Variants in ROBO1 observed in about 807,000 individuals in gnomAD.
ROBO1 encodes roundabout guidance receptor 1, also known as roundabout homolog 1.
In ROBO1, 149 loss-of-function variants were observed where a neutral mutation model predicts 195.9. The observed-to-expected ratio is 0.76, with a 90% CI of 0.67 to 0.87. ROBO1 has a LOEUF of 0.87. Among genes scored for constraint, ROBO1 ranks in the 40% least tolerant of loss-of-function variants. ROBO1 has a pLI of 0.00. For synonymous variants in ROBO1, 816 were observed against 733.2 expected (o/e 1.11, Z -1.82); for missense variants, 1,933 against 2,068.3 (o/e 0.93, Z 1.27).
At chr3:79,659,498 G>A (rs774898898) in intron 1 of ROBO1, among the ~76,000 whole-genome samples, 8 of 151,830 alleles carry the variant, frequency 5.3e-5, no homozygotes, top group South Asian at 2.1e-4. Context: ...AGCCAAGCAC[G>A]TTTCCTTATT....
chr3:79,185,685 G>GA (rs2081424776), intron 2 of ROBO1, among the ~76,000 whole-genome samples: 1 of 152,034 alleles, frequency 6.6e-6, no homozygotes, highest in Admixed American at 6.6e-5. Flanking sequence ...TGTAAAACTT[G>GA]AAATTAATTT....
chr3:79,571,168 G>T (rs988872913), intron 2 of ROBO1, among the ~76,000 whole-genome samples: 22 of 152,068 alleles, frequency 1.4e-4, no homozygotes, highest in African/African-American at 4.8e-4. Flanking sequence ...TTATTCAGAA[G>T]ATTAGATCAA....
chr3:79,360,320 A>C (rs1268762008), intron 2 of ROBO1, among the ~76,000 whole-genome samples: 2 of 152,038 alleles, frequency 1.3e-5, no homozygotes, highest in Non-Finnish European at 2.9e-5. Flanking sequence ...AAAGACATGA[A>C]ATCAACTCTT....
chr3:79,005,474 T>C (rs1025737117), intron 3 of ROBO1, among the ~76,000 whole-genome samples: 2 of 152,164 alleles, frequency 1.3e-5, no homozygotes, highest in Non-Finnish European at 2.9e-5. Flanking sequence ...AACTAAAAAT[T>C]TCTACGTTTA....
At chr3:78,686,538 G>C (rs35039798) in intron 9 of ROBO1, among the ~76,000 whole-genome samples, 181 of 137,846 alleles carry the variant, frequency 1.3e-3, no homozygotes, top group Non-Finnish European at 2.4e-3. Flanking sequence ...CTGGGTGACA[G>C]AGCGAGACTT....
chr3:78,950,877 T>C (rs367834027), intron 3 of ROBO1, among the ~76,000 whole-genome samples: 1 of 151,880 alleles, frequency 6.6e-6, no homozygotes, highest in African/African-American at 2.4e-5. Flanking sequence ...TGAGCTTACA[T>C]TGCTGAGTAA....
intron 2 of ROBO1, among the ~76,000 whole-genome samples, chr3:79,396,115 C>T (rs2037144893): frequency 2.0e-5 from 3 of 152,142 alleles, no homozygotes; most frequent in Non-Finnish European, 4.4e-5. Context: ...TTGTTATTAA[C>T]TTGAGGAATA....
rs1705486200 is a variant in ROBO1 at position 78,636,164 on chromosome 3, A to C, written c.3038-56T>G. Reference sequence around the variant, plus strand: ...TCATTCTGCGTGGTTATTCCTTTTAAATTTCTTTTTACGTAGCTTTGCGAG... The same window carrying C: ...TCATTCTGCGTGGTTATTCCTTTTACATTTCTTTTTACGTAGCTTTGCGAG... On this transcript the variant is annotated intron_variant, in intron 22 of 30. Coordinates refer to ENST00000464233, the MANE Select transcript of ROBO1 (RefSeq NM_002941.4). 3.8e-6 allele frequency: 5 copies of C among 1,311,416 alleles called. No individual in the cohort carries two copies. The Admixed American group carries it at 9.8e-5, about 26-fold the overall frequency. The allele number at this position is 1,311,416 out of a possible 1,614,324, so 81.2% of individuals were successfully genotyped here. A position where few individuals can be genotyped will look rare whatever the true frequency, so the allele number is the denominator to read the frequency against.
At chr3:79,386,137 A>G (rs1299739728) in intron 2 of ROBO1, among the ~76,000 whole-genome samples, 6 of 152,168 alleles carry the variant, frequency 3.9e-5, no homozygotes, top group Non-Finnish European at 7.4e-5. Context: ...TTTTACATGA[A>G]CTACCTGAGT....
intron 22 of ROBO1, among the ~76,000 whole-genome samples, chr3:78,639,040 G>A (rs1410207063): frequency 2.0e-5 from 3 of 152,024 alleles, no homozygotes; most frequent in African/African-American, 7.3e-5. Flanking sequence ...CAGCTACTTG[G>A]GAGGCTGAGG....
At chr3:78,599,457 A>AAAG (rs1217888574) in intron 30 of ROBO1, among the ~76,000 whole-genome samples, 1 of 152,182 alleles carries the variant, frequency 6.6e-6, no homozygotes, top group Middle Eastern at 3.2e-3. Context: ...TCTACTATAA[A>AAAG]AAGTTGTCAT....
At chr3:79,541,318 G>C (rs923901904) in intron 2 of ROBO1, among the ~76,000 whole-genome samples, 1 of 151,958 alleles carries the variant, frequency 6.6e-6, no homozygotes, top group Non-Finnish European at 1.5e-5. Flanking sequence ...CTGATTTGAC[G>C]TTGTTTCTGC....
At chr3:79,482,334 C>T (rs1241476086) in intron 2 of ROBO1, among the ~76,000 whole-genome samples, 1 of 152,098 alleles carries the variant, frequency 6.6e-6, no homozygotes, top group East Asian at 1.9e-4. Flanking sequence ...TCCCATAATT[C>T]CTATGTCTTG....
At chr3:79,699,615 T>C (rs1320413181) in intron 1 of ROBO1, among the ~76,000 whole-genome samples, 1 of 151,594 alleles carries the variant, frequency 6.6e-6, no homozygotes, top group Non-Finnish European at 1.5e-5. Context: ...TCAGAGAAAG[T>C]CTTGGATAGG....
At chr3:79,627,716 C>A (rs1181299888) in intron 1 of ROBO1, among the ~76,000 whole-genome samples, 3 of 152,070 alleles carry the variant, frequency 2.0e-5, no homozygotes, top group Non-Finnish European at 2.9e-5. Flanking sequence ...AACAGGCAAC[C>A]TACAGAATAG....
At chr3:79,440,440 A>T (rs898777102) in intron 2 of ROBO1, among the ~76,000 whole-genome samples, 6 of 152,020 alleles carry the variant, frequency 3.9e-5, no homozygotes, top group African/African-American at 1.4e-4. Context: ...TATGTAGCTG[A>T]TTTTACACTC....
chr3:78,823,607 C>T (rs540965232), intron 4 of ROBO1, among the ~76,000 whole-genome samples: 1 of 152,322 alleles, frequency 6.6e-6, no homozygotes, highest in African/African-American at 2.4e-5. Flanking sequence ...AGGTCTGACC[C>T]TGCCTTCATT....
At chr3:79,058,145 G>A (rs1318975774) in intron 3 of ROBO1, among the ~76,000 whole-genome samples, 1 of 151,908 alleles carries the variant, frequency 6.6e-6, no homozygotes, top group Non-Finnish European at 1.5e-5. Context: ...AAAATTTTGA[G>A]GCCCCATCTA....
intron 2 of ROBO1, among the ~76,000 whole-genome samples, chr3:79,137,149 T>C (rs558833374): frequency 1.3e-5 from 2 of 152,204 alleles, no homozygotes; most frequent in Non-Finnish European, 2.9e-5. Context: ...CAATACTTGT[T>C]AGAAATTGTG....
Sources: allele counts gnomAD v4.1 joint callset (sites outside exome capture counted in the v4.1 genomes callset), GRCh38; gene constraint gnomAD v4.1.1; transcripts MANE v1.5; gene names NCBI Gene and HGNC (gene_info 2026-07-23, HGNC 2026-07-21).